ADAM10: variants seen among roughly 807,000 people sequenced by gnomAD.
ADAM10 encodes disintegrin and metalloproteinase domain-containing protein 10.
In ADAM10, 17 loss-of-function variants were observed where a neutral mutation model predicts 90.1. The observed-to-expected ratio is 0.19, with a 90% CI of 0.13 to 0.28. The LOEUF is 0.28. ADAM10 is among the 10% of genes least tolerant of loss of function. The probability of loss-of-function intolerance (pLI) is 1.00; values close to 1 mark genes in which losing one functional copy is unlikely to be tolerated. For missense variants in ADAM10, 610 were observed against 914.3 expected, an observed-to-expected ratio of 0.67 and a Z score of 4.29; for synonymous variants, 310 against 298.6, an observed-to-expected ratio of 1.04 and a Z score of -0.40.
chr15:58,733,209 T>C (rs918720856), intron 1 of ADAM10: 4 of 152,398 alleles, frequency 2.6e-5, no homozygotes, highest in Non-Finnish European at 5.9e-5. Flanking sequence ...GAGCTGACAG[T>C]GACCTCTGAA....
chr15:58,696,236 A>G (rs1480123668), intron 2 of ADAM10, among the ~76,000 whole-genome samples: 2 of 152,008 alleles, frequency 1.3e-5, no homozygotes, highest in Non-Finnish European at 1.5e-5. Context: ...GCAGTGGGCC[A>G]AGATCACGCC....
chr15:58,618,522 C>T (rs143067885), intron 11 of ADAM10, among the ~76,000 whole-genome samples: 2 of 152,202 alleles, frequency 1.3e-5, no homozygotes, highest in Admixed American at 6.5e-5. Context: ...AATAGGGTTA[C>T]ACACACTAAA....
At chr15:58,650,234 A>G (rs1444241125) in intron 5 of ADAM10, among the ~76,000 whole-genome samples, 1 of 152,076 alleles carries the variant, frequency 6.6e-6, no homozygotes, top group Non-Finnish European at 1.5e-5. Flanking sequence ...TTGTTTGTTC[A>G]TATACTGGTT....
intron 5 of ADAM10, among the ~76,000 whole-genome samples, chr15:58,664,606 T>C (rs1897036509): frequency 1.3e-5 from 2 of 152,168 alleles, no homozygotes. Context: ...TTTCTCATTT[T>C]GAACTTATGT....
At chr15:58,720,839 G>T (rs1595655060) in intron 1 of ADAM10, among the ~76,000 whole-genome samples, 4 of 152,340 alleles carry the variant, frequency 2.6e-5, no homozygotes, top group African/African-American at 9.6e-5. Context: ...GGGGAAGAAT[G>T]AGAACTTTTG....
Position 58,655,698 on chromosome 15 carries a change from A to G in ADAM10, c.585+9399T>C, listed in dbSNP as rs1163468396. ...CATACATATATATATTATATATAGT[A>G]TATATATATATAGTATATATATATA... On this transcript the variant is annotated intron_variant, in intron 5 of 15. Transcript: ENST00000260408. 8.6e-4 allele frequency among the ~76,000 whole-genome samples: 38 copies of G among 43,998 alleles called. 3 individuals carry two copies. The highest frequency in any genetic ancestry group is 6.9e-3 in the East Asian group (1 of 144). The allele number at this position is 43,998 out of a possible 152,430, so 28.9% of individuals were successfully genotyped here.
At chr15:58,653,344 G>C (rs1176313164) in intron 5 of ADAM10, among the ~76,000 whole-genome samples, 1 of 152,110 alleles carries the variant, frequency 6.6e-6, no homozygotes, top group Non-Finnish European at 1.5e-5. Context: ...TATGATACTA[G>C]CTATGGATTC....
intron 5 of ADAM10, 130 bp downstream of exon 5, chr15:58,664,967 A>G: frequency 1.3e-6 from 1 of 756,064 alleles, no homozygotes; most frequent in Non-Finnish European, 2.3e-6. Context: ...GGCCTCTTTG[A>G]GCATTAAAAA....
intron 5 of ADAM10, among the ~76,000 whole-genome samples, chr15:58,658,443 T>C (rs1351615052): frequency 6.6e-6 from 1 of 152,198 alleles, no homozygotes. Context: ...AAATCTTCCA[T>C]CCTTGTTCTT....
In ADAM10 at chr15:58,592,835, G is replaced by A. The variant is rs1042478021; in HGVS notation, c.*4712C>T. On this transcript the variant is annotated 3_prime_UTR_variant, in exon 16 of 16. Coordinates refer to ENST00000260408, the MANE Select transcript of ADAM10 (RefSeq NM_001110.4). ...AGACAGTACCATAATTTTTATCAAT[G>A]TCCCTCAAAAAACCTTTACCCCAAC... 20 of 149,976 alleles carry A rather than the reference G, an allele frequency of 1.3e-4. No homozygotes were observed. Among genetic ancestry groups the A allele is most frequent in the Non-Finnish European group, 7.4e-5 (5 of 67,604 alleles). The allele number at this position is 149,976 out of a possible 1,614,324, so 9.3% of individuals were successfully genotyped here.
chr15:58,693,186 C>G, intron 2 of ADAM10: 2 of 709,970 alleles, frequency 2.8e-6, no homozygotes, highest in Non-Finnish European at 5.3e-6. Flanking sequence ...CATGGTACAC[C>G]TCTGCAGGCA....
At chr15:58,734,309 TATTAGCCCA>T (rs1899356492) in intron 1 of ADAM10, among the ~76,000 whole-genome samples, 1 of 152,220 alleles carries the variant, frequency 6.6e-6, no homozygotes, top group Non-Finnish European at 1.5e-5. Flanking sequence ...AAGTGAGAAC[TATTAGCCCA>T]TTTTAAAGAA....
chr15:58,614,769 C>A (rs972669903), intron 11 of ADAM10, among the ~76,000 whole-genome samples: 36 of 152,098 alleles, frequency 2.4e-4, no homozygotes, highest in African/African-American at 4.3e-4. Context: ...GCAAAAAAAA[C>A]CAATAATCAC....
At chr15:58,638,327 A>T (rs1472082286) in intron 8 of ADAM10, among the ~76,000 whole-genome samples, 3 of 152,140 alleles carry the variant, frequency 2.0e-5, no homozygotes, top group African/African-American at 7.2e-5. Context: ...TTTGCTCATG[A>T]AGTACACAGG....
At chr15:58,632,009 A>G (rs1896117054) in intron 9 of ADAM10, among the ~76,000 whole-genome samples, 1 of 151,052 alleles carries the variant, frequency 6.6e-6, no homozygotes. Context: ...TTTAAGCTAC[A>G]AGTAGACAAC....
At chr15:58,671,184 T>C (rs1004894198) in intron 4 of ADAM10, among the ~76,000 whole-genome samples, 4 of 152,140 alleles carry the variant, frequency 2.6e-5, no homozygotes, top group Non-Finnish European at 5.9e-5. Context: ...AGCTTGCCTA[T>C]AAAAAATGAT....
At chr15:58,610,968 T>A in intron 13 of ADAM10, 31 bp downstream of exon 13, 1 of 1,548,338 alleles carries the variant, frequency 6.5e-7, no homozygotes, top group Non-Finnish European at 8.9e-7. Flanking sequence ...TTGAGGCAAA[T>A]TTTATACTCT....
At chr15:58,703,680 T>TC (rs1412739002) in intron 2 of ADAM10, among the ~76,000 whole-genome samples, 2 of 152,148 alleles carry the variant, frequency 1.3e-5, no homozygotes, top group African/African-American at 4.8e-5. Context: ...GAACTGCAAT[T>TC]CCCAGTATTG....
At chr15:58,693,472 T>C (rs1027668413) in intron 2 of ADAM10, among the ~76,000 whole-genome samples, 12 of 152,144 alleles carry the variant, frequency 7.9e-5, no homozygotes, top group African/African-American at 2.9e-4. Flanking sequence ...CATATATAGA[T>C]CATGGCAATT....
Sources: gnomAD v4.1 joint callset for allele counts (sites outside exome capture counted in the v4.1 genomes callset) on GRCh38, gnomAD v4.1.1 for gene constraint, MANE v1.5 for transcripts, NCBI Gene and HGNC (gene_info 2026-07-23, HGNC 2026-07-21) for gene names.